Variants in NAV3 observed in about 807,000 individuals in gnomAD.
The protein encoded by NAV3 is pore membrane and/or filament interacting like protein 1.
A neutral mutation model predicts 244.7 loss-of-function variants in NAV3; 87 were observed. The observed-to-expected ratio is 0.36, with a 90% CI of 0.30 to 0.42. NAV3 has a LOEUF of 0.42. Ranked by LOEUF, NAV3 falls within the 20% of genes least tolerant of loss-of-function variation. NAV3 has a pLI of 1.00. For missense variants in NAV3, 2,663 were observed against 2,893.3 expected (o/e 0.92, Z 1.83); for synonymous variants, 1,126 against 1,042.2 (o/e 1.08, Z -1.55).
rs539343188 is a variant in NAV3 at position 77,844,177 on chromosome 12, C to T, written c.243+12473C>T. 2.4e-4 allele frequency among the ~76,000 whole-genome samples: 36 copies of T among 152,214 alleles called. 1 individual carries two copies. The South Asian group carries it at 6.8e-3, about 29-fold the overall frequency. The stretch of plus-strand genomic sequence containing the variant: ...CCTGGGATGTCTAAGATCGAGGTGA[C>T]GGCAGGTTTGGTGTCTGGTAAGGGC... On this transcript the variant is annotated intron_variant, in intron 1 of 39. Coordinates refer to ENST00000397909, the MANE Select transcript of NAV3 (RefSeq NM_001024383.2).
intron 2 of NAV3, among the ~76,000 whole-genome samples, chr12:77,740,906 G>A (rs904664126): frequency 1.1e-4 from 16 of 151,954 alleles, no homozygotes; most frequent in Non-Finnish European, 2.2e-4. Context: ...CTTACACCAA[G>A]CATGGTGTAA....
intron 2 of NAV3, among the ~76,000 whole-genome samples, chr12:77,781,657 C>T (rs559546759): frequency 2.6e-5 from 4 of 152,294 alleles, no homozygotes; most frequent in East Asian, 3.9e-4. Context: ...CCTCCTGAGG[C>T]TGTGTCATGG....
intron 2 of NAV3, among the ~76,000 whole-genome samples, chr12:77,716,922 T>C (rs986318703): frequency 3.9e-5 from 6 of 152,038 alleles, no homozygotes; most frequent in Non-Finnish European, 8.8e-5. Flanking sequence ...AGAAATCCGA[T>C]AGGACAAAGC....
chr12:77,854,571 TTGTGTGTATGTGTGTATG>T (rs1878060324), intron 1 of NAV3, among the ~76,000 whole-genome samples: 1 of 91,286 alleles, frequency 1.1e-5, no homozygotes, highest in Admixed American at 1.2e-4. Context: ...GATAAGCCAA[TTGTGTGTATGTGTGTATG>T]TGTGTGTGTG....
intron 8 of NAV3, among the ~76,000 whole-genome samples, chr12:78,010,346 T>C (rs1297659688): frequency 6.6e-6 from 1 of 152,190 alleles, no homozygotes; most frequent in Non-Finnish European, 1.5e-5. Flanking sequence ...GAGTTGCTAA[T>C]CATTTGATGA....
At chr12:77,935,786 T>G (rs552077040) in intron 1 of NAV3, among the ~76,000 whole-genome samples, 1 of 152,220 alleles carries the variant, frequency 6.6e-6, no homozygotes, top group South Asian at 2.1e-4. Context: ...AAACTTACAG[T>G]CATGGTGGAA....
At chr12:77,710,283 A>G (rs1463900336) in intron 2 of NAV3, among the ~76,000 whole-genome samples, 3 of 152,232 alleles carry the variant, frequency 2.0e-5, no homozygotes, top group African/African-American at 7.2e-5. Context: ...AAGCAAAATT[A>G]TGAATCCTAA....
At chr12:77,659,141 G>T (rs577017215) in intron 2 of NAV3, among the ~76,000 whole-genome samples, 208 of 151,736 alleles carry the variant, frequency 1.4e-3, no homozygotes, top group African/African-American at 4.5e-3. Context: ...CTTCTGCACA[G>T]CAAAAGAAAC....
At chr12:78,154,467 G>A (rs1460379891) in intron 22 of NAV3, among the ~76,000 whole-genome samples, 1 of 150,126 alleles carries the variant, frequency 6.7e-6, no homozygotes, top group Non-Finnish European at 1.5e-5. Flanking sequence ...TATGTATAAT[G>A]ATATTTCATC....
chr12:77,575,999 G>C (rs1170750113), intron 2 of NAV3, among the ~76,000 whole-genome samples: 2 of 152,068 alleles, frequency 1.3e-5, no homozygotes, highest in Admixed American at 1.3e-4. Context: ...AATGTTTTAA[G>C]ATTGGTACAA....
At position 77,714,712 on chromosome 12, in the gene NAV3, A is replaced by G. The variant is rs538984693; in HGVS notation, c.72+142446A>G. 4.6e-5 allele frequency among the ~76,000 whole-genome samples: 7 copies of G among 152,262 alleles called. No homozygotes were observed. The South Asian group carries it at 1.4e-3, about 32-fold the overall frequency. The stretch of plus-strand genomic sequence containing the variant: ...AATTTCATTTTTAATTTTGGCATTA[A>G]AAGGTTTTGTTTCTAATCTTATGTC... On this transcript the variant is annotated intron_variant, in intron 2 of 8. Transcript: ENST00000550042.
chr12:77,647,154 G>T (rs368432029), intron 2 of NAV3, among the ~76,000 whole-genome samples: 2 of 151,906 alleles, frequency 1.3e-5, no homozygotes, highest in African/African-American at 4.8e-5. Flanking sequence ...CAAAACTTTG[G>T]AAATATCTCA....
At chr12:77,766,234 G>A (rs1337960654) in intron 2 of NAV3, among the ~76,000 whole-genome samples, 2 of 152,182 alleles carry the variant, frequency 1.3e-5, no homozygotes, top group African/African-American at 4.8e-5. Flanking sequence ...GAGGAAACAG[G>A]AAATAGAAGA....
intron 2 of NAV3, among the ~76,000 whole-genome samples, chr12:77,584,486 T>C (rs1869510294): frequency 6.6e-6 from 1 of 152,188 alleles, no homozygotes; most frequent in Non-Finnish European, 1.5e-5. Flanking sequence ...GATTAAATGC[T>C]TATGGGTATG....
chr12:77,706,923 A>G (rs1247134022), intron 2 of NAV3, among the ~76,000 whole-genome samples: 1 of 142,754 alleles, frequency 7.0e-6, no homozygotes, highest in Non-Finnish European at 1.5e-5. Context: ...GAAAAAAAGC[A>G]TGCCCTCTTG....
chr12:78,010,844 A>G (rs1483335252), intron 8 of NAV3: 1 of 152,090 alleles, frequency 6.6e-6, no homozygotes, highest in Non-Finnish European at 1.5e-5. Context: ...ATTCTAGGTC[A>G]GTACTTATTC....
At chr12:78,193,354 G>A (rs1030656631) in intron 34 of NAV3, among the ~76,000 whole-genome samples, 5 of 152,190 alleles carry the variant, frequency 3.3e-5, no homozygotes, top group Admixed American at 6.6e-5. Flanking sequence ...GGTGGATTTA[G>A]TAGAGAATAC....
intron 30 of NAV3, among the ~76,000 whole-genome samples, chr12:78,182,646 G>T (rs1371557761): frequency 6.6e-6 from 1 of 151,612 alleles, no homozygotes; most frequent in Non-Finnish European, 1.5e-5. Context: ...TATGTTTATT[G>T]GTCTTAACAC....
intron 5 of NAV3, among the ~76,000 whole-genome samples, chr12:77,973,219 AG>A (rs1893148783): frequency 6.6e-6 from 1 of 152,176 alleles, no homozygotes; most frequent in Non-Finnish European, 1.5e-5. Flanking sequence ...ACTCACAGAT[AG>A]TGGTTATTAA....
Sources: gnomAD v4.1 joint callset for allele counts (sites outside exome capture counted in the v4.1 genomes callset) on GRCh38, gnomAD v4.1.1 for gene constraint, MANE v1.5 for transcripts, NCBI Gene and HGNC (gene_info 2026-07-23, HGNC 2026-07-21) for gene names.